The following APC2 variants were observed in gnomAD, a reference collection of about 807,000 sequenced individuals.
The protein encoded by APC2 is APC regulator of Wnt signaling pathway 2.
APC2 carries 41 observed loss-of-function variants against 72.5 expected under a neutral mutation model. The observed-to-expected ratio is 0.57, with a 90% CI of 0.44 to 0.73. The LOEUF (loss-of-function observed/expected upper bound fraction) is 0.73. APC2 is among the 30% of genes least tolerant of loss of function. APC2 has a pLI of 0.00. For synonymous variants in APC2, 1,898 were observed against 1,612.0 expected, an observed-to-expected ratio of 1.18 and a Z score of -4.25; for missense variants, 3,729 against 3,403.4, an observed-to-expected ratio of 1.10 and a Z score of -2.38.
chr19:1,457,301 C>G (rs2083849507), intron 9 of APC2, 58 bp downstream of exon 9: 1 of 1,464,548 alleles, frequency 6.8e-7, no homozygotes, highest in Non-Finnish European at 9.0e-7. Flanking sequence ...TAGGGCTTCC[C>G]GGGGGATGGG....
Position 1,469,890 on chromosome 19 carries a change from G to A in APC2, c.6589G>A (p.Ala2197Thr). Residue 2197 changes from alanine to threonine, a missense_variant, in exon 15 of 15, where the codon GCC becomes ACC. By Grantham distance (58) the Ala-to-Thr change is moderately conservative. Coordinates refer to ENST00000590469, the MANE Select transcript of APC2 (RefSeq NM_005883.3). Reference sequence around the variant, plus strand: ...CGCCGTGGTCCAGACCGAGGAGGTCGCCGCCCCCAAGACCAACTCCAGCAC... The same window carrying A: ...CGCCGTGGTCCAGACCGAGGAGGTCACCGCCCCCAAGACCAACTCCAGCAC... ...SDAVVQTEEV[A>T]APKTNSSTSP... 6.6e-7 allele frequency: 1 copy of A among 1,522,524 alleles called. No individual in the cohort carries two copies. Among genetic ancestry groups the A allele is most frequent in the Non-Finnish European group, 8.8e-7 (1 of 1,141,874 alleles). The allele number at this position is 1,522,524 out of a possible 1,614,324, so 94.3% of individuals were successfully genotyped here. A position where few individuals can be genotyped will look rare whatever the true frequency, so the allele number is the denominator to read the frequency against.
chr19:1,466,619 C>T lies in APC2; in HGVS notation c.3318C>T (p.Ser1106=), dbSNP rs868420439. The T allele has an allele frequency of 6.6e-7, 1 of 1,523,270 alleles. No individual in the cohort carries two copies. The highest frequency in any genetic ancestry group is 1.7e-4 in the Middle Eastern group (1 of 5,874). The allele number at this position is 1,523,270 out of a possible 1,614,324, so 94.4% of individuals were successfully genotyped here. A position where few individuals can be genotyped will look rare whatever the true frequency, so the allele number is the denominator to read the frequency against. The change falls in exon 15 of 15, where the codon AGC becomes AGT. Residue 1106 remains serine (S), a synonymous_variant. Coordinates refer to ENST00000590469, the MANE Select transcript of APC2 (RefSeq NM_005883.3). ...AGGGGCTGGAGGAGGCCGGCCCCAG[C>T]GAGGCTGAGCTGGACAGCACGTGGC... ...SLEGLEEAGP[S]EAELDSTWRA...
In APC2 at chr19:1,467,863, C is replaced by A. The variant is rs371978218; in HGVS notation, c.4562C>A (p.Ala1521Asp). Residue 1521 changes from alanine to aspartate, a missense_variant, in exon 15 of 15, where the codon GCC becomes GAC. Physicochemically the swap from Ala to Asp is moderately radical, Grantham distance 126 (BLOSUM62 -2). Coordinates refer to ENST00000590469, the MANE Select transcript of APC2 (RefSeq NM_005883.3). Reference protein sequence around the residue: ...GNDSDEEPPAAAPTPTHRRTS... With the variant: ...GNDSDEEPPADAPTPTHRRTS... The stretch of plus-strand genomic sequence containing the variant: ...GACTCGGACGAGGAGCCCCCGGCGG[C>A]CGCGCCCACGCCAACCCACCGGCGC... The A allele has an allele frequency of 1.4e-4, 212 of 1,554,722 alleles. No individual in the cohort carries two copies. The highest frequency in any genetic ancestry group is 1.8e-4 in the Admixed American group (10 of 54,204).
chr19:1,469,516 C>T lies in APC2; in HGVS notation c.6215C>T (p.Pro2072Leu), dbSNP rs1359287048. Residue 2072 changes from proline (P) to leucine (L), a missense_variant, in exon 15 of 15, where the codon CCT (proline) becomes CTT (leucine). Pro to Leu is a moderately conservative substitution (Grantham distance 98, BLOSUM62 -3). Transcript: ENST00000590469. ...GCCCGACCCAGCCCTGGCGAGCGCC[C>T]TGCCCGGCGCACCACCTCCGAGAGC... Reference protein sequence around the residue: ...PAARPSPGERPARRTTSESPS... With the variant: ...PAARPSPGERLARRTTSESPS... 2 of 1,151,150 alleles carry T rather than the reference C, an allele frequency of 1.7e-6. No homozygotes were observed. The highest frequency in any genetic ancestry group is 2.1e-6 in the Non-Finnish European group (2 of 931,138). 71.3% of individuals were successfully genotyped at this position (1,151,150 alleles called of 1,614,324 possible). A position where few individuals can be genotyped will look rare whatever the true frequency, so the allele number is the denominator to read the frequency against.
At chr19:1,446,447 G>A (rs1159646231), upstream of APC2, 18 of 859,018 alleles carry the variant, frequency 2.1e-5, no homozygotes, top group Non-Finnish European at 2.1e-5. The surrounding 1 kb of genome is among the most constrained non-coding windows in gnomAD (Gnocchi z 6.1). Context: ...GGCGCATGGG[G>A]CGAGCGCGCG....
Position 1,469,553 on chromosome 19 carries a change from G to A in APC2, c.6252G>A (p.Leu2084=), listed in dbSNP as rs552657663. The A allele has an allele frequency of 2.3e-4, 283 of 1,227,832 alleles. 3 individuals carry two copies. The South Asian group carries it at 4.6e-3, about 20-fold the overall frequency. The allele number at this position is 1,227,832 out of a possible 1,614,324, so 76.1% of individuals were successfully genotyped here. A position where few individuals can be genotyped will look rare whatever the true frequency, so the allele number is the denominator to read the frequency against. ...RRTTSESPSR[L]PVRAPAARPE... is the part of the protein sequence containing the mutation. ...CCACCTCCGAGAGCCCGTCCCGCCT[G>A]CCTGTGCGCGCGCCCGCCGCCCGGC... is the stretch of plus-strand genomic sequence containing the variant. The change falls in exon 15 of 15, where the codon CTG becomes CTA. Residue 2084 remains leucine, a synonymous_variant. Transcript: ENST00000590469.
In APC2 at chr19:1,453,368, G is replaced by A. The variant is rs371790688; in HGVS notation, c.232+31G>A. On this transcript the variant is annotated intron_variant, in intron 3 of 14. Coordinates refer to ENST00000590469, the MANE Select transcript of APC2 (RefSeq NM_005883.3). Reference sequence around the variant, plus strand: ...CGGTGGGGCCACCCGCAGAGGGAGTGGGGGAGGCTGGGGGGAAAGGCAGGC... The same window carrying A: ...CGGTGGGGCCACCCGCAGAGGGAGTAGGGGAGGCTGGGGGGAAAGGCAGGC... 6 of 1,611,442 alleles carry A rather than the reference G, an allele frequency of 3.7e-6. No individual in the cohort carries two copies. The South Asian group carries it at 4.4e-5, about 12-fold the overall frequency.
Position 1,456,921 on chromosome 19 carries a change from G to A in APC2, c.885G>A (p.Leu295=). The part of the protein sequence containing the change: ...TRDQEDTART[L]LAMSSSPESC... Reference sequence around the variant, plus strand: ...ACCAGGAGGATACAGCGCGCACGCTGCTGGCCATGTCCAGCTCGCCCGAGA... The same window carrying A: ...ACCAGGAGGATACAGCGCGCACGCTACTGGCCATGTCCAGCTCGCCCGAGA... Residue 295 remains leucine, a synonymous_variant, in exon 9 of 15, where the codon CTG becomes CTA. Transcript: ENST00000590469. 1.9e-6 allele frequency: 3 copies of A among 1,572,128 alleles called. No homozygotes were observed. The highest frequency in any genetic ancestry group is 1.8e-5 in the Admixed American group (1 of 56,004).
chr19:1,467,647 G>T lies in APC2; in HGVS notation c.4346G>T (p.Gly1449Val). The T allele has an allele frequency of 6.8e-7, 1 of 1,480,212 alleles. No homozygotes were observed. 91.7% of individuals were successfully genotyped at this position (1,480,212 alleles called of 1,614,324 possible). The change falls in exon 15 of 15, where the codon GGC (glycine) becomes GTC (valine). Residue 1449 changes from glycine to valine, a missense_variant. By Grantham distance (109) the Gly-to-Val change is moderately radical (BLOSUM62 -3). Transcript: ENST00000590469. Reference sequence around the variant, plus strand: ...CACCGGCACAAGGCGGGAGGCGCCGGCCGCAGCGCGGAGCAGTCTCGGGGC... The same window carrying T: ...CACCGGCACAAGGCGGGAGGCGCCGTCCGCAGCGCGGAGCAGTCTCGGGGC... ...MGHRHKAGGA[G>V]RSAEQSRGAG...
chr19:1,446,241 G>A (rs2083686505), upstream of APC2: 41 of 983,166 alleles, frequency 4.2e-5, no homozygotes, highest in Non-Finnish European at 4.8e-5. The surrounding 1 kb of genome is among the most constrained non-coding windows in gnomAD (Gnocchi z 6.1). Context: ...CCCCCACCCT[G>A]GCCGCCGAGG....
upstream of APC2, chr19:1,450,068 C>A: frequency 1.1e-6 from 1 of 922,642 alleles, no homozygotes; most frequent in Non-Finnish European, 1.3e-6. Context: ...CGTCTTCCCG[C>A]GCCCTCATTG....
chr19:1,470,148 G>C lies in APC2; in HGVS notation c.6847G>C (p.Ala2283Pro), dbSNP rs202013039. ...CTATGTGCCCAGCCCCATGGTGGTCGCAGCCACCACCGACTCGGCCGCGGA... is the reference window on the plus strand; with the variant it reads ...CTATGTGCCCAGCCCCATGGTGGTCCCAGCCACCACCGACTCGGCCGCGGA... The part of the protein sequence containing the change: ...FNYVPSPMVV[A>P]ATTDSAAEKA... The change falls in exon 15 of 15, where the codon GCA becomes CCA. Residue 2283 changes from alanine to proline, a missense_variant. Ala to Pro is a conservative substitution (Grantham distance 27). Transcript: ENST00000590469. The C allele has an allele frequency of 6.2e-7, 1 of 1,604,192 alleles. No homozygotes were observed. The highest frequency in any genetic ancestry group is 2.3e-5 in the East Asian group (1 of 44,378).
chr19:1,464,805 G>A (rs2083980233), intron 14 of APC2, among the ~76,000 whole-genome samples: 1 of 151,172 alleles, frequency 6.6e-6, no homozygotes, highest in South Asian at 2.1e-4. Context: ...GCTAATTTTT[G>A]TATTTTTAAG....
chr19:1,466,974 G>A lies in APC2; in HGVS notation c.3673G>A (p.Glu1225Lys), dbSNP rs372608216. The change falls in exon 15 of 15, where the codon GAG becomes AAG. Residue 1225 changes from glutamate (E) to lysine (K), a missense_variant. Physicochemically the swap from Glu to Lys is moderately conservative, Grantham distance 56. Transcript: ENST00000590469. ...GGCGCCCGCGCCACAGGGTCCCCCCGAGGCCACCCAGTTCAGCCTGCAGTG... is the reference window on the plus strand; with the variant it reads ...GGCGCCCGCGCCACAGGGTCCCCCCAAGGCCACCCAGTTCAGCCTGCAGTG... ...PLAPAPQGPP[E>K]ATQFSLQWES... 4.0e-5 allele frequency: 64 copies of A among 1,606,790 alleles called. No homozygotes were observed. The highest frequency in any genetic ancestry group is 5.3e-5 in the Non-Finnish European group (62 of 1,177,312).
At position 1,468,873 on chromosome 19, in the gene APC2, C is replaced by A; in HGVS notation, c.5572C>A (p.Pro1858Thr). ...CTCGGAGCTGGCGACGCTGAGCCAG[C>A]CCCCCAGAAGCGCCACACCGCCCGC... ...KTSELATLSQ[P>T]PRSATPPARL... The change falls in exon 15 of 15, where the codon CCC becomes ACC. Residue 1858 changes from proline to threonine, a missense_variant. Coordinates refer to ENST00000590469, the MANE Select transcript of APC2 (RefSeq NM_005883.3). 1.3e-6 allele frequency: 2 copies of A among 1,541,872 alleles called. No homozygotes were observed. The highest frequency in any genetic ancestry group is 1.2e-5 in the South Asian group (1 of 84,090).
intron 9 of APC2, 187 bp from the exon 10 acceptor site, chr19:1,457,778 G>A (rs2083858393): frequency 1.6e-6 from 1 of 624,286 alleles, no homozygotes; most frequent in South Asian, 1.8e-5. Context: ...CCTTCCCAAG[G>A]CTGAGTGAGA....
rs747674848 is a variant in APC2 at position 1,470,196 on chromosome 19, G to A, written c.6895G>A (p.Ala2299Thr). 2.8e-5 allele frequency: 45 copies of A among 1,596,736 alleles called. No homozygotes were observed. Among genetic ancestry groups the A allele is most frequent in the Non-Finnish European group, 3.4e-5 (40 of 1,174,012 alleles). Residue 2299 changes from alanine to threonine, a missense_variant, in exon 15 of 15, where the codon GCC (alanine) becomes ACC (threonine). By Grantham distance (58) the Ala-to-Thr change is moderately conservative. Coordinates refer to ENST00000590469, the MANE Select transcript of APC2 (RefSeq NM_005883.3). ...GGAGAAAGCCCCGGCCACTGCCTCC[G>A]CCACCCTCCTGGAATAGTGGCCTAG... is the stretch of plus-strand genomic sequence containing the variant. ...AAEKAPATAS[A>T]TLLE
upstream of APC2, chr19:1,446,451 G>C: frequency 3.7e-6 from 3 of 817,228 alleles, no homozygotes; most frequent in Non-Finnish European, 4.4e-6. This position sits in a 1 kb window ranked among gnomAD's most constrained non-coding sequence, Gnocchi z 6.1. Context: ...CATGGGGCGA[G>C]CGCGCGGAGG....
In APC2 at chr19:1,456,184, G is replaced by C. The variant is rs748834820; in HGVS notation, c.717+31G>C. The stretch of plus-strand genomic sequence containing the variant: ...GGGTGGGGCAGAGCCAGGGACCAGG[G>C]GTGGTGTCGGCCCAGGCAGAACGGG... On this transcript the variant is annotated intron_variant, in intron 7 of 14. Transcript: ENST00000590469. The C allele has an allele frequency of 8.3e-6, 13 of 1,564,068 alleles. No homozygotes were observed. In the Admixed American group the frequency reaches 2.5e-4, roughly 29 times the overall value.
Sources: gnomAD v4.1 joint callset for allele counts (sites outside exome capture counted in the v4.1 genomes callset) on GRCh38, gnomAD v4.1.1 for gene constraint, Gnocchi (gnomAD v3.1) non-coding constraint, MANE v1.5 for transcripts, NCBI Gene and HGNC (gene_info 2026-07-23, HGNC 2026-07-21) for gene names.